The following DENND1A variants were observed in gnomAD, a reference collection of about 807,000 sequenced individuals.
DENND1A encodes the protein DENN domain containing 1A.
Under a neutral mutation model 113.7 loss-of-function variants are expected in DENND1A, and 51 were observed. That is an observed-to-expected ratio of 0.45 (90% CI 0.36 to 0.57). DENND1A has a LOEUF of 0.57. Among genes scored for constraint, DENND1A ranks in the 20% least tolerant of loss-of-function variants. The pLI is 0.00. For missense variants in DENND1A, 1,258 were observed against 1,395.9 expected, an observed-to-expected ratio of 0.90 and a Z score of 1.57; for synonymous variants, 565 against 570.8, an observed-to-expected ratio of 0.99 and a Z score of 0.14.
At chr9:123,780,208 G>A (rs1831091322) in intron 3 of DENND1A, among the ~76,000 whole-genome samples, 1 of 152,102 alleles carries the variant, frequency 6.6e-6, no homozygotes, top group Non-Finnish European at 1.5e-5. Flanking sequence ...ACCCCAGGAG[G>A]ACTTAGAGGC....
At chr9:123,677,848 C>T (rs1342234547) in intron 5 of DENND1A, among the ~76,000 whole-genome samples, 2 of 152,188 alleles carry the variant, frequency 1.3e-5, no homozygotes, top group Admixed American at 1.3e-4. Context: ...ACTTCTGGGG[C>T]TCTTCACTGC....
chr9:123,486,918 G>A (rs965631896), intron 13 of DENND1A, among the ~76,000 whole-genome samples: 2 of 152,156 alleles, frequency 1.3e-5, no homozygotes, highest in African/African-American at 4.8e-5. Flanking sequence ...GCGACCCTGG[G>A]AGCCGACTGG....
intron 2 of DENND1A, among the ~76,000 whole-genome samples, chr9:123,841,846 C>T (rs1841885983): frequency 6.6e-6 from 1 of 152,038 alleles, no homozygotes; most frequent in South Asian, 2.1e-4. Flanking sequence ...AGGCAGGTGA[C>T]CAGGATGAAG....
Position 123,460,691 on chromosome 9 carries a change from G to C in DENND1A, c.994-2794C>G, listed in dbSNP as rs2048458420. 2.0e-5 allele frequency among the ~76,000 whole-genome samples: 3 copies of C among 152,174 alleles called. No individual in the cohort carries two copies. The South Asian group carries it at 6.2e-4, about 31-fold the overall frequency. On this transcript the variant is annotated intron_variant, in intron 13 of 23. Coordinates refer to ENST00000394215, the MANE Select transcript of DENND1A (RefSeq NM_001352964.2). Reference sequence around the variant, plus strand: ...CTCCATCTACGCCTACCTTGGCGTAGGCCTGGACAGGCTTAAACCACGGTG... The same window carrying C: ...CTCCATCTACGCCTACCTTGGCGTACGCCTGGACAGGCTTAAACCACGGTG...
chr9:123,415,193 C>T (rs548864888), intron 19 of DENND1A, among the ~76,000 whole-genome samples: 14 of 152,300 alleles, frequency 9.2e-5, no homozygotes, highest in Middle Eastern at 3.4e-3. Flanking sequence ...AACCCAACAA[C>T]GGCAACCAAG....
Position 123,464,494 on chromosome 9 carries a change from A to G in DENND1A, c.994-6597T>C, listed in dbSNP as rs1336377812. Among the ~76,000 whole-genome samples, 4 of 152,344 alleles carry G rather than the reference A, an allele frequency of 2.6e-5. No individual in the cohort carries two copies. The East Asian group carries it at 7.7e-4, about 29-fold the overall frequency. On this transcript the variant is annotated intron_variant, in intron 13 of 23. Coordinates refer to ENST00000394215, the MANE Select transcript of DENND1A (RefSeq NM_001352964.2). ...AAATAAGCCAGTCGCAAATAGATCA[A>G]CGCTGCATGGTTCCACTTGTATGAG... is the stretch of plus-strand genomic sequence containing the variant.
At chr9:123,780,904 C>A (rs1831214549) in intron 3 of DENND1A, among the ~76,000 whole-genome samples, 1 of 152,092 alleles carries the variant, frequency 6.6e-6, no homozygotes, top group African/African-American at 2.4e-5. Flanking sequence ...ACCCAGTGAT[C>A]CTACCACTAA....
intron 14 of DENND1A, 120 bp downstream of exon 14, chr9:123,457,673 G>T: frequency 1.0e-6 from 1 of 957,522 alleles, no homozygotes; most frequent in Non-Finnish European, 1.5e-6. Flanking sequence ...CCTCCCCTGA[G>T]CCTCTTTTGC....
intron 1 of DENND1A, among the ~76,000 whole-genome samples, chr9:123,926,705 C>T (rs959021811): frequency 2.7e-5 from 4 of 150,936 alleles, no homozygotes; most frequent in Admixed American, 6.6e-5. Context: ...ACACTCAACT[C>T]GGTCTTAATT....
intron 13 of DENND1A, among the ~76,000 whole-genome samples, chr9:123,493,429 C>A (rs568702261): frequency 5.3e-5 from 8 of 152,302 alleles, no homozygotes; most frequent in African/African-American, 1.9e-4. Flanking sequence ...ATGGGCGGTG[C>A]AGCGGGTCCG....
rs1335547731 is a variant in DENND1A at position 123,379,813 on chromosome 9, C to T, written c.*1619G>A. On this transcript the variant is annotated 3_prime_UTR_variant, in exon 24 of 24. Coordinates refer to ENST00000394215, the MANE Select transcript of DENND1A (RefSeq NM_001352964.2). ...GGCCTTGGGGTACACACCCTCCTTCCCTGGGGCCGCCAGCACCTCCTCTGC... is the reference window on the plus strand; with the variant it reads ...GGCCTTGGGGTACACACCCTCCTTCTCTGGGGCCGCCAGCACCTCCTCTGC... 3 of 152,570 alleles carry T rather than the reference C, an allele frequency of 2.0e-5. No homozygotes were observed. Among genetic ancestry groups the T allele is most frequent in the Admixed American group, 1.3e-4 (2 of 15,294 alleles). 9.5% of individuals were successfully genotyped at this position (152,570 alleles called of 1,614,324 possible).
chr9:123,705,604 G>T (rs1398817757), intron 5 of DENND1A, among the ~76,000 whole-genome samples: 13 of 152,122 alleles, frequency 8.5e-5, no homozygotes. Flanking sequence ...GGAAAAAAAT[G>T]AAGCAAAGAT....
chr9:123,763,129 AT>A lies in DENND1A; in HGVS notation c.183-5308del, dbSNP rs561466554. ...GGAGGCAATAGAATGCCACTGAATG[AT>A]TTTGATCAAGAGAAAAACACAGTCT... is the stretch of plus-strand genomic sequence containing the variant. On this transcript the variant is annotated intron_variant, in intron 4 of 23. Transcript: ENST00000394215. Among the ~76,000 whole-genome samples, 143 of 150,934 alleles carry A rather than the reference AT, an allele frequency of 9.5e-4. 1 individual carries two copies. The highest frequency in any genetic ancestry group is 1.7e-3 in the Non-Finnish European group (115 of 67,844).
At chr9:123,479,745 A>G (rs918191918) in intron 13 of DENND1A, among the ~76,000 whole-genome samples, 2 of 152,222 alleles carry the variant, frequency 1.3e-5, no homozygotes, top group African/African-American at 4.8e-5. Flanking sequence ...CAGGACCCCA[A>G]ACGCCTTTTG....
chr9:123,514,085 T>C (rs2053677291), intron 13 of DENND1A, among the ~76,000 whole-genome samples: 1 of 78,780 alleles, frequency 1.3e-5, no homozygotes, highest in African/African-American at 3.1e-5. Context: ...TGTGTGTGTG[T>C]GTGTGTGTGT....
At chr9:123,802,529 G>A (rs1227927098) in intron 2 of DENND1A, among the ~76,000 whole-genome samples, 2 of 352 alleles carry the variant, frequency 5.7e-3, no homozygotes, top group African/African-American at 0.02. Context: ...CTACTCCTAC[G>A]GTCACACCCT....
chr9:123,435,123 G>A (rs773113071), intron 19 of DENND1A, among the ~76,000 whole-genome samples: 1 of 146,280 alleles, frequency 6.8e-6, no homozygotes, highest in Non-Finnish European at 1.5e-5. Context: ...GAGGCCTGGG[G>A]TGTGCAGTAT....
chr9:123,877,597 G>C (rs528965395), intron 2 of DENND1A, among the ~76,000 whole-genome samples: 1 of 151,982 alleles, frequency 6.6e-6, no homozygotes, highest in Non-Finnish European at 1.5e-5. Flanking sequence ...GCCGAGGTGG[G>C]TAGATCACCT....
chr9:123,767,608 G>T (rs998503710), intron 4 of DENND1A, among the ~76,000 whole-genome samples: 3 of 152,182 alleles, frequency 2.0e-5, no homozygotes, highest in Admixed American at 2.0e-4. Flanking sequence ...GTAGAAGTGT[G>T]TGTATGGTAT....
Sources: gnomAD v4.1 joint callset for allele counts (sites outside exome capture counted in the v4.1 genomes callset) on GRCh38, gnomAD v4.1.1 for gene constraint, MANE v1.5 for transcripts, NCBI Gene and HGNC (gene_info 2026-07-23, HGNC 2026-07-21) for gene names.